The following TCF7L2 variants were observed in gnomAD, a reference collection of about 807,000 sequenced individuals.
The protein encoded by TCF7L2 is transcription factor 7-like 2.
A neutral mutation model predicts 77.9 loss-of-function variants in TCF7L2; 23 were observed. The ratio of observed to expected loss-of-function variants is 0.30; its 90% confidence interval spans 0.21 to 0.42. The LOEUF is 0.42. Among genes scored for constraint, TCF7L2 ranks in the 10% least tolerant of loss-of-function variants. The probability of loss-of-function intolerance (pLI) is 1.00; values close to 1 mark genes in which losing one functional copy is unlikely to be tolerated. For missense variants in TCF7L2, 654 were observed against 793.1 expected (o/e 0.82, Z 2.11); for synonymous variants, 413 against 340.2 (o/e 1.21, Z -2.36).
chr10:113,039,236 C>T (rs2051969349), intron 4 of TCF7L2, among the ~76,000 whole-genome samples: 1 of 152,202 alleles, frequency 6.6e-6, no homozygotes, highest in East Asian at 1.9e-4. Flanking sequence ...TCGTTCAAAT[C>T]TCACTGAAAG....
At chr10:112,995,491 G>C (rs1361413432) in intron 4 of TCF7L2, among the ~76,000 whole-genome samples, 1 of 152,122 alleles carries the variant, frequency 6.6e-6, no homozygotes, top group Non-Finnish European at 1.5e-5. Context: ...GGTGCAGCGG[G>C]AGGCGTAACT....
At chr10:113,094,875 T>G (rs1330170476) in intron 5 of TCF7L2, among the ~76,000 whole-genome samples, 1 of 152,150 alleles carries the variant, frequency 6.6e-6, no homozygotes, top group African/African-American at 2.4e-5. Context: ...TCCCAACACT[T>G]TGAGAGGCTG....
At chr10:113,066,633 C>A (rs559892484) in intron 5 of TCF7L2, among the ~76,000 whole-genome samples, 1 of 152,256 alleles carries the variant, frequency 6.6e-6, no homozygotes, top group South Asian at 2.1e-4. Flanking sequence ...ATGGGTGGAA[C>A]CTATGTGGAC....
chr10:113,165,480 G>A (rs1205639369), intron 13 of TCF7L2, 75 bp from the exon 15 acceptor site: 9 of 1,512,796 alleles, frequency 5.9e-6, no homozygotes, highest in South Asian at 1.2e-5. Flanking sequence ...CTCAGCTTGG[G>A]TGTGAGCATT....
intron 4 of TCF7L2, among the ~76,000 whole-genome samples, chr10:113,021,122 G>C (rs1446989774): frequency 6.6e-6 from 1 of 152,156 alleles, no homozygotes; most frequent in African/African-American, 2.4e-5. Context: ...TTCATGCTTG[G>C]CACAGGGGCA....
intron 13 of TCF7L2, chr10:113,161,690 G>T: frequency 1.4e-6 from 2 of 1,438,014 alleles, no homozygotes; most frequent in Non-Finnish European, 1.9e-6. Flanking sequence ...TTTGCCATGT[G>T]CTCCGTGTTT....
intron 11 of TCF7L2, among the ~76,000 whole-genome samples, chr10:113,156,115 C>CTTTTTTT (rs35516476): frequency 8.3e-6 from 1 of 120,740 alleles, no homozygotes; most frequent in Non-Finnish European, 1.8e-5. Flanking sequence ...TTCTTTCTTT[C>CTTTTTTT]TTTTTTTTTT....
chr10:113,160,906 A>T (rs181489383), intron 13 of TCF7L2, among the ~76,000 whole-genome samples: 2 of 152,240 alleles, frequency 1.3e-5, no homozygotes, highest in East Asian at 3.9e-4. Flanking sequence ...CATGAACAAT[A>T]TCCCTGGTGG....
intron 5 of TCF7L2, among the ~76,000 whole-genome samples, chr10:113,083,291 C>CACACACACGT (rs1179614829): frequency 4.0e-5 from 6 of 150,408 alleles, no homozygotes; most frequent in African/African-American, 1.5e-4. Flanking sequence ...CACACACACA[C>CACACACACGT]ACGTGCAAGT....
chr10:113,148,067 C>T (rs145381961), intron 8 of TCF7L2, among the ~76,000 whole-genome samples: 1 of 152,184 alleles, frequency 6.6e-6, no homozygotes, highest in Non-Finnish European at 1.5e-5. Context: ...AGGCAGCTTG[C>T]CCTGTTCCAG....
In TCF7L2 at chr10:113,040,023, A is replaced by C. The variant is rs1180756181; in HGVS notation, c.451-2A>C. ...CATTTCACTTTTGTTTCCTCTCGCC[A>C]GTATCTCCAGATGAAATGGCCACTG... On this transcript the variant is annotated splice_acceptor_variant, in intron 4 of 13. Coordinates refer to ENST00000627217, the MANE Select transcript of TCF7L2 (RefSeq NM_001146274.2). LOFTEE classifies it high-confidence loss of function. 6.2e-7 allele frequency: 1 copy of C among 1,612,480 alleles called. No homozygotes were observed. Among genetic ancestry groups the C allele is most frequent in the Non-Finnish European group, 8.5e-7 (1 of 1,179,390 alleles).
chr10:113,166,088 T>TG lies in TCF7L2; in HGVS notation c.*118dup, dbSNP rs2074029224. The TG allele has an allele frequency of 2.1e-6, 2 of 946,316 alleles. No homozygotes were observed. The highest frequency in any genetic ancestry group is 1.4e-6 in the Non-Finnish European group (1 of 694,750). The allele number at this position is 946,316 out of a possible 1,614,324, so 58.6% of individuals were successfully genotyped here. The stretch of plus-strand genomic sequence containing the variant: ...TGTACTCTCTTAATTTTGTGCCATG[T>TG]GGCTACATTAGTTGATGTTTATCGA... On this transcript the variant is annotated 3_prime_UTR_variant, in exon 14 of 14. Coordinates refer to ENST00000627217, the MANE Select transcript of TCF7L2 (RefSeq NM_001146274.2).
chr10:113,114,051 G>C (rs1321824036), intron 5 of TCF7L2, among the ~76,000 whole-genome samples: 1 of 152,128 alleles, frequency 6.6e-6, no homozygotes, highest in Non-Finnish European at 1.5e-5. Context: ...TGAGTTTTCA[G>C]AAGGAAATCC....
intron 4 of TCF7L2, among the ~76,000 whole-genome samples, chr10:112,992,815 G>C (rs2042816002): frequency 6.6e-6 from 1 of 151,584 alleles, no homozygotes. Context: ...CCAGGCTGGA[G>C]TGCAGTGGCA....
chr10:113,000,534 A>G (rs2044285672), intron 4 of TCF7L2, among the ~76,000 whole-genome samples: 1 of 152,174 alleles, frequency 6.6e-6, no homozygotes, highest in African/African-American at 2.4e-5. Flanking sequence ...CCAGCAGCCC[A>G]GATTTGAGGC....
intron 4 of TCF7L2, among the ~76,000 whole-genome samples, chr10:113,005,257 C>T (rs1020997219): frequency 1.3e-5 from 2 of 152,188 alleles, no homozygotes; most frequent in South Asian, 2.1e-4. Flanking sequence ...GGCCCTCCCA[C>T]GATCCCGTCA....
intron 13 of TCF7L2, among the ~76,000 whole-genome samples, chr10:113,164,754 C>G (rs2073807210): frequency 6.6e-6 from 1 of 151,302 alleles, no homozygotes; most frequent in African/African-American, 2.4e-5. Flanking sequence ...TTGGTGGTTT[C>G]TTTTTTTTGT....
At chr10:113,040,169 GT>G in intron 5 of TCF7L2, 43 bp downstream of exon 5, 1 of 1,561,672 alleles carries the variant, frequency 6.4e-7, no homozygotes, top group Non-Finnish European at 8.8e-7. Context: ...TATTGAGGGG[GT>G]GAAAAAGAAA....
At chr10:113,142,336 A>C (rs1177280965) in intron 6 of TCF7L2, among the ~76,000 whole-genome samples, 2 of 152,058 alleles carry the variant, frequency 1.3e-5, no homozygotes, top group African/African-American at 4.8e-5. Context: ...CTTTTTTCCC[A>C]AAGGGGAGAG....
Sources: allele counts gnomAD v4.1 joint callset (sites outside exome capture counted in the v4.1 genomes callset), GRCh38; gene constraint gnomAD v4.1.1; transcripts MANE v1.5; gene names NCBI Gene and HGNC (gene_info 2026-07-23, HGNC 2026-07-21).